Variants in GTF2A1L observed in about 807,000 individuals in gnomAD.
GTF2A1L encodes TFIIA-alpha and beta-like factor.
GTF2A1L carries 48 observed loss-of-function variants against 49.7 expected under a neutral mutation model. That is an observed-to-expected ratio of 0.97 (90% CI 0.77 to 1.23). The LOEUF (loss-of-function observed/expected upper bound fraction) is 1.23. Among genes scored for constraint, GTF2A1L ranks in the 50% most tolerant of loss-of-function variants. GTF2A1L has a pLI of 0.00. For missense variants in GTF2A1L, 736 were observed against 564.8 expected (o/e 1.30, Z -3.07); for synonymous variants, 246 against 193.5 (o/e 1.27, Z -2.25).
At chr2:48,672,940 C>T (rs1224367342) in intron 8 of GTF2A1L, among the ~76,000 whole-genome samples, 1 of 152,124 alleles carries the variant, frequency 6.6e-6, no homozygotes, top group Non-Finnish European at 1.5e-5. Context: ...CAGTATTCTC[C>T]CCATTTTCCC....
At chr2:48,652,397 C>T (rs540557804) in intron 6 of GTF2A1L, among the ~76,000 whole-genome samples, 1 of 151,946 alleles carries the variant, frequency 6.6e-6, no homozygotes, top group African/African-American at 2.4e-5. Context: ...GGATGGATCA[C>T]TTGAGGTTAG....
chr2:48,619,685 G>C (rs17037467), intron 1 of GTF2A1L, among the ~76,000 whole-genome samples: 2,548 of 152,132 alleles, frequency 0.017, 70 homozygotes, highest in African/African-American at 0.058. Flanking sequence ...GTTTCTTGCC[G>C]GTGGAACTTC....
intron 6 of GTF2A1L, among the ~76,000 whole-genome samples, chr2:48,667,148 G>A (rs1185162854): frequency 6.8e-6 from 1 of 147,586 alleles, no homozygotes; most frequent in African/African-American, 2.5e-5. Flanking sequence ...TTGTAGAGAT[G>A]GGATCTTGCT....
intron 8 of GTF2A1L, among the ~76,000 whole-genome samples, chr2:48,678,731 A>T (rs1679603724): frequency 6.6e-6 from 1 of 152,058 alleles, no homozygotes; most frequent in Admixed American, 6.6e-5. Context: ...TCAGTGCTTT[A>T]TTGGGACTTT....
At chr2:48,635,577 A>G (rs1355491999) in intron 3 of GTF2A1L, among the ~76,000 whole-genome samples, 1 of 152,124 alleles carries the variant, frequency 6.6e-6, no homozygotes, top group Non-Finnish European at 1.5e-5. Context: ...GAGAGACTGC[A>G]ACTGTAGCAG....
At chr2:48,651,432 A>G (rs868820283) in intron 6 of GTF2A1L, among the ~76,000 whole-genome samples, 3 of 136,166 alleles carry the variant, frequency 2.2e-5, no homozygotes, top group Non-Finnish European at 4.6e-5. Flanking sequence ...TTATGTTGTG[A>G]GTTCTTTTTT....
At chr2:48,669,677 TAC>T (rs753244216) in intron 6 of GTF2A1L, 43 bp from the exon 7 acceptor site, 2 of 1,555,600 alleles carry the variant, frequency 1.3e-6, no homozygotes, top group South Asian at 2.5e-5. Flanking sequence ...ATATTTTATA[TAC>T]CTTATTTGAC....
At chr2:48,618,329 G>A (rs1675778697) in intron 1 of GTF2A1L, among the ~76,000 whole-genome samples, 1 of 152,080 alleles carries the variant, frequency 6.6e-6, no homozygotes, top group African/African-American at 2.4e-5. Flanking sequence ...CATGTTTTTA[G>A]TGTCTTTCAC....
At chr2:48,626,234 C>G (rs550469872) in intron 3 of GTF2A1L, among the ~76,000 whole-genome samples, 5 of 143,876 alleles carry the variant, frequency 3.5e-5, no homozygotes, top group African/African-American at 1.2e-4. Context: ...GTCTTTGTGT[C>G]TGTTTTTGTC....
At chr2:48,664,412 A>G (rs1423966542) in intron 6 of GTF2A1L, among the ~76,000 whole-genome samples, 3 of 151,950 alleles carry the variant, frequency 2.0e-5, no homozygotes, top group African/African-American at 7.2e-5. Flanking sequence ...ATGGTGAGAT[A>G]CACTGATTGA....
chr2:48,664,405 G>A (rs182847548), intron 6 of GTF2A1L, among the ~76,000 whole-genome samples: 1 of 151,360 alleles, frequency 6.6e-6, no homozygotes, highest in East Asian at 1.9e-4. Context: ...TTTTGATATG[G>A]TGAGATACAC....
chr2:48,674,395 T>A (rs1040843682), intron 8 of GTF2A1L, among the ~76,000 whole-genome samples: 2 of 152,152 alleles, frequency 1.3e-5, no homozygotes, highest in African/African-American at 2.4e-5. Flanking sequence ...CCAGTCACAA[T>A]TTGAATATAT....
At chr2:48,677,181 ATTC>A (rs1467766907) in intron 8 of GTF2A1L, among the ~76,000 whole-genome samples, 1 of 151,922 alleles carries the variant, frequency 6.6e-6, no homozygotes, top group Non-Finnish European at 1.5e-5. Flanking sequence ...TTTCCTGGAT[ATTC>A]TTGTTCATTT....
rs566129311 is a variant in GTF2A1L at position 48,676,728 on chromosome 2, G to A, written c.1330-2607G>A. Among the ~76,000 whole-genome samples the A allele has an allele frequency of 1.2e-4, 18 of 151,536 alleles. 2 individuals are homozygous for A. The highest frequency in any genetic ancestry group is 4.3e-4 in the African/African-American group (18 of 41,466). On this transcript the variant is annotated intron_variant, in intron 8 of 8. Transcript: ENST00000403751. ...TTTAATTTTATGTCTTCTGCATTTT[G>A]AGCCATGAATAAAAAGTTCTTTCTT...
At chr2:48,622,500 A>C (rs887274311) in intron 3 of GTF2A1L, among the ~76,000 whole-genome samples, 1 of 152,082 alleles carries the variant, frequency 6.6e-6, no homozygotes, top group Admixed American at 6.5e-5. Flanking sequence ...CAGAATGCTA[A>C]AGATGTTTTT....
chr2:48,656,358 T>TG lies in GTF2A1L; in HGVS notation c.978+9316_978+9317insG, dbSNP rs1169348418. Among the ~76,000 whole-genome samples, 110 of 146,038 alleles carry TG rather than the reference T, an allele frequency of 7.5e-4. 1 individual carries two copies. Among genetic ancestry groups the TG allele is most frequent in the African/African-American group, 2.3e-3 (90 of 39,792 alleles). On this transcript the variant is annotated intron_variant, in intron 6 of 8. Coordinates refer to ENST00000403751, the MANE Select transcript of GTF2A1L (RefSeq NM_006872.5). ...CAACGCTTATTTTCTGTTTTTTTTTTTTTTTTTTTTTTTTTTTTTAATAAT... is the reference window on the plus strand; with the variant it reads ...CAACGCTTATTTTCTGTTTTTTTTTTGTTTTTTTTTTTTTTTTTTTAATAAT...
At chr2:48,618,005 A>T (rs990291389) in intron 1 of GTF2A1L, 110 bp downstream of exon 1, 2 of 1,130,484 alleles carry the variant, frequency 1.8e-6, no homozygotes, top group East Asian at 2.6e-5. Context: ...GATTGTCATA[A>T]ACCCTCTCTC....
intron 4 of GTF2A1L, among the ~76,000 whole-genome samples, chr2:48,643,820 C>T (rs1476527142): frequency 6.6e-6 from 1 of 151,326 alleles, no homozygotes; most frequent in Non-Finnish European, 1.5e-5. Context: ...CTGCTTCAGC[C>T]TCCCGAGTAA....
At chr2:48,638,063 A>G (rs1371771300) in intron 3 of GTF2A1L, among the ~76,000 whole-genome samples, 1 of 152,180 alleles carries the variant, frequency 6.6e-6, no homozygotes, top group Non-Finnish European at 1.5e-5. Flanking sequence ...ACCAATAAGG[A>G]ACTCCAAAAT....
Sources: gnomAD v4.1 joint callset for allele counts (sites outside exome capture counted in the v4.1 genomes callset) on GRCh38, gnomAD v4.1.1 for gene constraint, MANE v1.5 for transcripts, NCBI Gene and HGNC (gene_info 2026-07-23, HGNC 2026-07-21) for gene names.